CABIN1: variants seen among roughly 807,000 people sequenced by gnomAD.
CABIN1 encodes the protein calcineurin-binding protein cabin-1.
Under a neutral mutation model 227.7 loss-of-function variants are expected in CABIN1, and 133 were observed. That is an observed-to-expected ratio of 0.58 (90% CI 0.51 to 0.67). The LOEUF (loss-of-function observed/expected upper bound fraction) is 0.67, where lower values mean the gene tolerates loss of function less well. Among genes scored for constraint, CABIN1 ranks in the 30% least tolerant of loss-of-function variants. The pLI is 0.00. For missense variants in CABIN1, 2,408 were observed against 2,852.5 expected, an observed-to-expected ratio of 0.84 and a Z score of 3.55; for synonymous variants, 1,086 against 1,155.1, an observed-to-expected ratio of 0.94 and a Z score of 1.21.
intron 5 of CABIN1, 150 bp downstream of exon 5, chr22:24,041,423 G>A: frequency 2.0e-6 from 2 of 993,400 alleles, no homozygotes; most frequent in Non-Finnish European, 3.1e-6. Flanking sequence ...GTCCATAGGT[G>A]ATAACAATTA....
intron 26 of CABIN1, among the ~76,000 whole-genome samples, chr22:24,110,855 C>T (rs2042769856): frequency 8.3e-6 from 1 of 120,940 alleles, no homozygotes; most frequent in South Asian, 3.0e-4. Context: ...TTCAAAATGG[C>T]CCACCTAGGT....
At chr22:24,035,968 A>G in intron 2 of CABIN1, 121 bp from the exon 3 acceptor site, 1 of 744,826 alleles carries the variant, frequency 1.3e-6, no homozygotes, top group Non-Finnish European at 2.4e-6. Context: ...TGAGAAGGTC[A>G]TAGCTTTTCA....
intron 32 of CABIN1, 94 bp from the exon 33 acceptor site, chr22:24,168,353 A>G (rs1602471200): frequency 1.6e-6 from 2 of 1,265,336 alleles, no homozygotes; most frequent in Non-Finnish European, 2.2e-6. Context: ...CATGCCCCCT[A>G]CCTAGGCTGG....
At chr22:24,144,685 C>T (rs2044996329) in intron 29 of CABIN1, among the ~76,000 whole-genome samples, 1 of 152,272 alleles carries the variant, frequency 6.6e-6, no homozygotes, top group African/African-American at 2.4e-5. Context: ...ACCTGGCACT[C>T]TGTTGCCCCT....
At chr22:24,108,538 A>G (rs2042639589) in intron 26 of CABIN1, among the ~76,000 whole-genome samples, 1 of 152,186 alleles carries the variant, frequency 6.6e-6, no homozygotes, top group Admixed American at 6.5e-5. Context: ...CAGGGGTCTT[A>G]TACACGTCCC....
At chr22:24,168,075 A>G (rs1354448322) in intron 32 of CABIN1, among the ~76,000 whole-genome samples, 1 of 152,224 alleles carries the variant, frequency 6.6e-6, no homozygotes, top group Non-Finnish European at 1.5e-5. Flanking sequence ...TCTGCCTGCC[A>G]GCCTCAGCTT....
At chr22:24,129,965 A>T (rs1194190256) in intron 28 of CABIN1, among the ~76,000 whole-genome samples, 2 of 152,222 alleles carry the variant, frequency 1.3e-5, no homozygotes, top group Non-Finnish European at 2.9e-5. Context: ...GAGGAGTTAG[A>T]TGTCCCCTCT....
At position 24,116,051 on chromosome 22, in the gene CABIN1, A is replaced by G. The variant is rs1213539226; in HGVS notation, c.4300+2303A>G. Reference sequence around the variant, plus strand: ...GCACAAGCTGTCACACTGCCCGAGGACCAGCCTCCTTCCTTTAATTCTCCA... The same window carrying G: ...GCACAAGCTGTCACACTGCCCGAGGGCCAGCCTCCTTCCTTTAATTCTCCA... On this transcript the variant is annotated intron_variant, in intron 27 of 36. Coordinates refer to ENST00000263119, the MANE Select transcript of CABIN1 (RefSeq NM_012295.4). Among the ~76,000 whole-genome samples, 10 of 152,270 alleles carry G rather than the reference A, an allele frequency of 6.6e-5. No homozygotes were observed. In the East Asian group the frequency reaches 1.5e-3, roughly 24 times the overall value.
chr22:24,015,270 CAAAAAAAAAAAAA>C (rs1199906542), intron 1 of CABIN1, among the ~76,000 whole-genome samples: 8 of 50,712 alleles, frequency 1.6e-4, no homozygotes, highest in South Asian at 2.1e-3. Context: ...AATCCATCTC[CAAAAAAAAAAAAA>C]AAAAAAAAAA....
chr22:24,088,702 G>C (rs2041342427), intron 23 of CABIN1, among the ~76,000 whole-genome samples: 1 of 152,042 alleles, frequency 6.6e-6, no homozygotes, highest in Non-Finnish European at 1.5e-5. Context: ...AAATCCCTCT[G>C]GCTGCCCCTA....
chr22:24,042,865 TG>T, intron 5 of CABIN1, 38 bp from the exon 6 acceptor site: 3 of 1,284,626 alleles, frequency 2.3e-6, no homozygotes, highest in Non-Finnish European at 3.4e-6. Context: ...TGTGTGTGTG[TG>T]TGTGTGTGTG....
At chr22:24,026,720 CTG>C (rs1228585568) in intron 1 of CABIN1, among the ~76,000 whole-genome samples, 1 of 152,110 alleles carries the variant, frequency 6.6e-6, no homozygotes, top group Non-Finnish European at 1.5e-5. Flanking sequence ...CTTATGGACT[CTG>C]TATTTTGTTT....
intron 1 of CABIN1, among the ~76,000 whole-genome samples, chr22:24,030,435 C>G (rs1235319328): frequency 6.6e-6 from 1 of 152,144 alleles, no homozygotes; most frequent in African/African-American, 2.4e-5. Context: ...GCATTAAATT[C>G]AAGTGAGATA....
intron 14 of CABIN1, 77 bp downstream of exon 14, chr22:24,063,223 GGTGTGT>G (rs531695620): frequency 2.7e-5 from 39 of 1,430,906 alleles, no homozygotes; most frequent in South Asian, 2.6e-4. Flanking sequence ...CCATGTTGAG[GGTGTGT>G]GTGTGTATGT....
intron 14 of CABIN1, 143 bp from the exon 15 acceptor site, chr22:24,063,892 C>A (rs760012608): frequency 8.4e-6 from 8 of 948,558 alleles, no homozygotes; most frequent in Non-Finnish European, 1.2e-5. Flanking sequence ...CATGCCAGGC[C>A]TTTCTTAGGG....
intron 27 of CABIN1, 98 bp from the exon 28 acceptor site, chr22:24,119,269 G>A (rs1262054960): frequency 9.7e-7 from 1 of 1,035,622 alleles, no homozygotes; most frequent in Admixed American, 1.7e-5. Context: ...CAGCCGTGCT[G>A]ATCACTTCAC....
chr22:24,020,478 T>C (rs2035642388), intron 1 of CABIN1, among the ~76,000 whole-genome samples: 1 of 152,020 alleles, frequency 6.6e-6, no homozygotes, highest in Non-Finnish European at 1.5e-5. Flanking sequence ...TGTGCCACTA[T>C]ACCCAGCTAA....
intron 1 of CABIN1, among the ~76,000 whole-genome samples, chr22:24,012,029 T>C (rs768675725): frequency 6.6e-6 from 1 of 152,192 alleles, no homozygotes; most frequent in Non-Finnish European, 1.5e-5. Context: ...ATGTGATTAT[T>C]GTGGTTAGAA....
rs373187327 is a variant in CABIN1 at position 24,118,956 on chromosome 22, G to T, written c.4301-411G>T. On this transcript the variant is annotated intron_variant, in intron 27 of 36. Transcript: ENST00000263119. Reference sequence around the variant, plus strand: ...GGCTGAGCACTGAGCAGGGGAGCAGGTATGATACTTCGTGAACCCTGGCTG... The same window carrying T: ...GGCTGAGCACTGAGCAGGGGAGCAGTTATGATACTTCGTGAACCCTGGCTG... Among the ~76,000 whole-genome samples, 90 of 152,348 alleles carry T rather than the reference G, an allele frequency of 5.9e-4. 1 individual carries two copies. In the South Asian group the frequency reaches 0.018, roughly 30 times the overall value.
Sources: gnomAD v4.1 joint callset for allele counts (sites outside exome capture counted in the v4.1 genomes callset) on GRCh38, gnomAD v4.1.1 for gene constraint, MANE v1.5 for transcripts, NCBI Gene and HGNC (gene_info 2026-07-23, HGNC 2026-07-21) for gene names.